CCDC170: variants seen among roughly 807,000 people sequenced by gnomAD.
CCDC170 encodes the protein coiled-coil domain containing 170, also known as coiled-coil domain-containing protein 170.
In CCDC170, 69 loss-of-function variants were observed where a neutral mutation model predicts 72.6. The ratio of observed to expected loss-of-function variants is 0.95; its 90% CI spans 0.78 to 1.16. CCDC170 has a LOEUF of 1.16. Among genes scored for constraint, CCDC170 ranks in the 50% most tolerant of loss-of-function variants. The pLI is 0.00. For synonymous variants in CCDC170, 300 were observed against 303.9 expected (o/e 0.99, Z 0.13); for missense variants, 852 against 832.5 (o/e 1.02, Z -0.29).
At chr6:151,527,238 A>G (rs1353954227) in intron 1 of CCDC170, among the ~76,000 whole-genome samples, 1 of 152,064 alleles carries the variant, frequency 6.6e-6, no homozygotes, top group Non-Finnish European at 1.5e-5. Flanking sequence ...AACACCCAAG[A>G]GAAAAGAGAT....
rs748907440 is a variant in CCDC170, at chr6:151,596,576, A to G, written c.1709A>G (p.Lys570Arg). 11 of 1,613,628 alleles carry G rather than the reference A, an allele frequency of 6.8e-6. No homozygotes were observed. The highest frequency in any genetic ancestry group is 5.9e-6 in the Non-Finnish European group (7 of 1,179,784). The change falls in exon 9 of 11, where the codon AAG becomes AGG. Residue 570 changes from lysine (K) to arginine (R), a missense_variant and splice_region_variant. Coordinates refer to ENST00000239374, the MANE Select transcript of CCDC170 (RefSeq NM_025059.4). ...KAKLADTNEL[K>R]IKTLEQTKAI... ...AAACTGGCCGACACCAATGAACTGAAGGCAAGTGCTTGGCTTCATTTTGTT... is the reference window on the plus strand; with the variant it reads ...AAACTGGCCGACACCAATGAACTGAGGGCAAGTGCTTGGCTTCATTTTGTT...
intron 5 of CCDC170, among the ~76,000 whole-genome samples, chr6:151,549,565 G>A (rs12207495): frequency 0.13 from 20,282 of 151,946 alleles, 1,586 homozygotes; most frequent in East Asian, 0.27. Context: ...CTCTTCAGAG[G>A]CAACCTTTCT....
intron 1 of CCDC170, among the ~76,000 whole-genome samples, chr6:151,503,780 G>A (rs1289772611): frequency 2.6e-5 from 4 of 152,126 alleles, no homozygotes; most frequent in African/African-American, 9.7e-5. Flanking sequence ...GCAGTTTGTG[G>A]AATGTTCCTC....
At chr6:151,553,873 G>A (rs186963654) in intron 5 of CCDC170, among the ~76,000 whole-genome samples, 139 of 152,280 alleles carry the variant, frequency 9.1e-4, no homozygotes, top group African/African-American at 3.0e-3. Flanking sequence ...CTCAGGAAGA[G>A]TCTTCATAAT....
intron 1 of CCDC170, among the ~76,000 whole-genome samples, chr6:151,503,557 A>G (rs1017966159): frequency 6.6e-6 from 1 of 151,986 alleles, no homozygotes; most frequent in Non-Finnish European, 1.5e-5. Context: ...GGCTCAAGCA[A>G]TTCTCCTGCC....
chr6:151,603,234 T>C (rs767595769), intron 9 of CCDC170, among the ~76,000 whole-genome samples: 4 of 152,190 alleles, frequency 2.6e-5, no homozygotes, highest in Non-Finnish European at 5.9e-5. Context: ...TATTATCTTT[T>C]GAGTTTGGCA....
At chr6:151,541,889 T>A (rs1234257715) in intron 3 of CCDC170, among the ~76,000 whole-genome samples, 73 of 115,404 alleles carry the variant, frequency 6.3e-4, no homozygotes, top group African/African-American at 2.9e-3. Context: ...TATATATATT[T>A]TTTTTTTTAA....
chr6:151,561,176 A>T (rs1333235683), intron 5 of CCDC170, among the ~76,000 whole-genome samples: 1 of 152,006 alleles, frequency 6.6e-6, no homozygotes, highest in Non-Finnish European at 1.5e-5. Flanking sequence ...AAGAATGGGT[A>T]TATCCATCCC....
chr6:151,555,893 C>T (rs781459147), intron 5 of CCDC170, among the ~76,000 whole-genome samples: 5 of 152,176 alleles, frequency 3.3e-5, no homozygotes, highest in Admixed American at 6.5e-5. Flanking sequence ...GAGTTCTAGT[C>T]TGTGGGTGAG....
At chr6:151,617,921 T>C (rs763311936) in intron 10 of CCDC170, 26 bp from the exon 11 acceptor site, 1 of 1,602,408 alleles carries the variant, frequency 6.2e-7, no homozygotes, top group South Asian at 1.1e-5. Flanking sequence ...TTCTCCCAGT[T>C]AATGAGTTTC....
In CCDC170 at chr6:151,596,465, T is replaced by G. The variant is rs1041091744; in HGVS notation, c.1598T>G (p.Leu533Arg). The G allele has an allele frequency of 1.2e-6, 2 of 1,614,064 alleles. No individual in the cohort carries two copies. Among genetic ancestry groups the G allele is most frequent in the Non-Finnish European group, 1.7e-6 (2 of 1,179,990 alleles). Residue 533 changes from leucine (L) to arginine (R), a missense_variant, in exon 9 of 11, where the codon CTT (leucine) becomes CGT (arginine). Coordinates refer to ENST00000239374, the MANE Select transcript of CCDC170 (RefSeq NM_025059.4). Reference sequence around the variant, plus strand: ...GTGGTTGAGAGGGACAACGCGCATCTTACCATCAGGAACTTGCAGAAGAAG... The same window carrying G: ...GTGGTTGAGAGGGACAACGCGCATCGTACCATCAGGAACTTGCAGAAGAAG... ...ALVVERDNAH[L>R]TIRNLQKKVE...
chr6:151,598,940 C>T (rs1240259575), intron 9 of CCDC170, among the ~76,000 whole-genome samples: 1 of 152,130 alleles, frequency 6.6e-6, no homozygotes, highest in Non-Finnish European at 1.5e-5. Context: ...AGGCACTCAT[C>T]CCCTCTGACA....
rs200036993 is a variant in CCDC170 at position 151,531,421 on chromosome 6, G to A, written c.58-4897G>A. Among the ~76,000 whole-genome samples, 6 of 152,236 alleles carry A rather than the reference G, an allele frequency of 3.9e-5. No individual in the cohort carries two copies. The East Asian group carries it at 7.7e-4, about 20-fold the overall frequency. On this transcript the variant is annotated intron_variant, in intron 1 of 10. Transcript: ENST00000239374. ...AGTTCAAGACCAGCCTGGTCAACAT[G>A]GTGAAACCCTGTCTCTACCAAAAAT...
chr6:151,521,887 G>A (rs560297496), intron 1 of CCDC170, among the ~76,000 whole-genome samples: 1 of 151,902 alleles, frequency 6.6e-6, no homozygotes, highest in South Asian at 2.1e-4. Flanking sequence ...TCAGGAGGCT[G>A]AGGCAGGAGG....
intron 1 of CCDC170, among the ~76,000 whole-genome samples, chr6:151,518,025 C>T (rs756317069): frequency 2.0e-5 from 3 of 151,628 alleles, no homozygotes; most frequent in Non-Finnish European, 4.4e-5. Flanking sequence ...CTTTTGCAAA[C>T]AGTAAAGATT....
chr6:151,505,960 G>A (rs1782061274), intron 1 of CCDC170, among the ~76,000 whole-genome samples: 1 of 152,100 alleles, frequency 6.6e-6, no homozygotes, highest in South Asian at 2.1e-4. Context: ...CAAACAGCGG[G>A]CATGGTGGTG....
At chr6:151,494,717 G>A (rs1582996367) in intron 1 of CCDC170, among the ~76,000 whole-genome samples, 2 of 152,284 alleles carry the variant, frequency 1.3e-5, no homozygotes, top group African/African-American at 2.4e-5. Flanking sequence ...GGTATTAGAT[G>A]TACCAATGCG....
chr6:151,517,108 G>A (rs151251200), intron 1 of CCDC170, among the ~76,000 whole-genome samples: 40 of 152,326 alleles, frequency 2.6e-4, no homozygotes, highest in Admixed American at 8.5e-4. Flanking sequence ...GGCCTAGGTG[G>A]ATGGATACCT....
intron 4 of CCDC170, 81 bp from the exon 5 acceptor site, chr6:151,548,223 C>A: frequency 8.5e-7 from 1 of 1,180,280 alleles, no homozygotes; most frequent in Non-Finnish European, 1.1e-6. Context: ...TATGATAATG[C>A]AGTCTATAGA....
Sources: gnomAD v4.1 joint callset for allele counts (sites outside exome capture counted in the v4.1 genomes callset) on GRCh38, gnomAD v4.1.1 for gene constraint, MANE v1.5 for transcripts, NCBI Gene and HGNC (gene_info 2026-07-23, HGNC 2026-07-21) for gene names.